SLC8A1: variants seen among roughly 807,000 people sequenced by gnomAD.
SLC8A1 encodes sodium/calcium exchanger 1.
A neutral mutation model predicts 68.3 loss-of-function variants in SLC8A1; 18 were observed. The observed-to-expected ratio is 0.26, with a 90% CI of 0.18 to 0.39. SLC8A1 has a LOEUF of 0.39. Among genes scored for constraint, SLC8A1 ranks in the 10% least tolerant of loss-of-function variants. SLC8A1 has a pLI of 1.00. For missense variants in SLC8A1, 985 were observed against 1,156.7 expected (o/e 0.85, Z 2.15); for synonymous variants, 475 against 415.5 (o/e 1.14, Z -1.74).
At chr2:40,153,138 A>AAGTAAAATTAGTAGT (rs2043777678) in intron 6 of SLC8A1, among the ~76,000 whole-genome samples, 1 of 152,204 alleles carries the variant, frequency 6.6e-6, no homozygotes, top group Admixed American at 6.5e-5. Flanking sequence ...GATACCTGTG[A>AAGTAAAATTAGTAGT]AGTAAAATTA....
chr2:40,149,502 G>A (rs941653917), intron 6 of SLC8A1, among the ~76,000 whole-genome samples: 4 of 152,248 alleles, frequency 2.6e-5, no homozygotes, highest in East Asian at 1.9e-4. Flanking sequence ...AGAAATAATC[G>A]GATATGGAGG....
At position 40,262,082 on chromosome 2, in the gene SLC8A1, C is replaced by A. The variant is rs888155002; in HGVS notation, c.1809-84227G>T. Among the ~76,000 whole-genome samples the A allele has an allele frequency of 3.3e-5, 5 of 151,892 alleles. No homozygotes were observed. In the East Asian group the frequency reaches 9.7e-4, roughly 29 times the overall value. ...GGTTCAAGCAATTCTCCTGTCTCAG[C>A]CTCCTTAGTAGCTGGGACTACAGGC... On this transcript the variant is annotated intron_variant, in intron 2 of 7. Transcript: ENST00000406785.
Position 40,499,176 on chromosome 2 carries a change from C to G in SLC8A1, c.-25+13173G>C, listed in dbSNP as rs577976736. Reference sequence around the variant, plus strand: ...AAGGACTGGAACTAGTGGTATCGGACAAAAAGAAGATACTTTTTTCAGTTC... The same window carrying G: ...AAGGACTGGAACTAGTGGTATCGGAGAAAAAGAAGATACTTTTTTCAGTTC... On this transcript the variant is annotated intron_variant, in intron 1 of 7. Transcript: ENST00000402441. Among the ~76,000 whole-genome samples the G allele has an allele frequency of 2.0e-5, 3 of 150,524 alleles. No homozygotes were observed. The East Asian group carries it at 6.8e-4, about 34-fold the overall frequency.
At chr2:40,496,095 C>G (rs1320628215) in intron 1 of SLC8A1, among the ~76,000 whole-genome samples, 1 of 152,098 alleles carries the variant, frequency 6.6e-6, no homozygotes, top group Non-Finnish European at 1.5e-5. Context: ...TGCCTGCTCA[C>G]TGTCAGGAAA....
intron 2 of SLC8A1, among the ~76,000 whole-genome samples, chr2:40,294,430 G>GAACC (rs2069937560): frequency 1.3e-5 from 2 of 152,074 alleles, no homozygotes; most frequent in African/African-American, 4.8e-5. Context: ...GTATTTAGTG[G>GAACC]CTAAGCTAGG....
chr2:40,107,253 C>G (rs1362589678), exon 8 of SLC8A1: 2 of 113,082 alleles, frequency 1.8e-5, no homozygotes, highest in Non-Finnish European at 1.7e-5. Context: ...GCACTCCAGC[C>G]TGGGCGACAG....
intron 6 of SLC8A1, among the ~76,000 whole-genome samples, chr2:40,154,479 CT>C (rs144812656): frequency 1.7e-4 from 5 of 30,044 alleles, no homozygotes; most frequent in South Asian, 2.4e-3. Context: ...AATTTTTTTT[CT>C]TTTCTTTTTT....
chr2:40,313,427 G>T (rs527372937), intron 2 of SLC8A1, among the ~76,000 whole-genome samples: 2 of 152,060 alleles, frequency 1.3e-5, no homozygotes, highest in South Asian at 4.1e-4. Flanking sequence ...TAGATACCAA[G>T]GTGTAGAATG....
At chr2:40,428,127 T>C (rs1281634336) in intron 2 of SLC8A1, among the ~76,000 whole-genome samples, 2 of 152,152 alleles carry the variant, frequency 1.3e-5, no homozygotes, top group Non-Finnish European at 2.9e-5. Flanking sequence ...GTATATACCA[T>C]GTGATTCAAA....
intron 2 of SLC8A1, among the ~76,000 whole-genome samples, chr2:40,380,210 T>G (rs1205891374): frequency 1.3e-5 from 2 of 152,122 alleles, no homozygotes; most frequent in Non-Finnish European, 2.9e-5. Context: ...AGCTGATGCT[T>G]GAAGAGGTCA....
chr2:40,129,766 G>A (rs1166310435), intron 7 of SLC8A1, among the ~76,000 whole-genome samples: 1 of 152,154 alleles, frequency 6.6e-6, no homozygotes, highest in Non-Finnish European at 1.5e-5. Flanking sequence ...CACCTGTACA[G>A]CATGATGTTT....
At chr2:40,365,613 T>C (rs145611938) in intron 2 of SLC8A1, among the ~76,000 whole-genome samples, 98 of 152,224 alleles carry the variant, frequency 6.4e-4, no homozygotes, top group African/African-American at 2.2e-3. Flanking sequence ...GCAGAAGTCA[T>C]GGGTCAGGTT....
chr2:40,430,612 A>G (rs762739190), intron 1 of SLC8A1, among the ~76,000 whole-genome samples: 1 of 152,188 alleles, frequency 6.6e-6, no homozygotes, highest in Non-Finnish European at 1.5e-5. Flanking sequence ...GAAAAGTTCA[A>G]TTTATATAGC....
chr2:40,293,929 G>A (rs147181232), intron 2 of SLC8A1, among the ~76,000 whole-genome samples: 17 of 152,130 alleles, frequency 1.1e-4, no homozygotes, highest in African/African-American at 2.4e-4. Flanking sequence ...TTGATTGGGC[G>A]CAAAGATCAA....
chr2:40,218,578 T>C (rs1030903154), intron 2 of SLC8A1, among the ~76,000 whole-genome samples: 3 of 152,122 alleles, frequency 2.0e-5, no homozygotes, highest in Non-Finnish European at 2.9e-5. Context: ...ACCAACCTAA[T>C]ATTATCGTAT....
exon 8 of SLC8A1, chr2:40,106,885 A>G (rs2034232717): frequency 6.6e-6 from 1 of 152,186 alleles, no homozygotes; most frequent in Non-Finnish European, 1.5e-5. Context: ...ATAACTTGGT[A>G]TTGACATTAC....
Position 40,323,955 on chromosome 2 carries a change from G to A in SLC8A1, c.1808+104518C>T, listed in dbSNP as rs1385108885. On this transcript the variant is annotated intron_variant, in intron 2 of 7. Coordinates refer to ENST00000406785, the Ensembl canonical transcript of SLC8A1. ...TCTGTACAAAATTTTGCTTATTTCCGTGCATACTTAACTTATAAATAGAGT... is the reference window on the plus strand; with the variant it reads ...TCTGTACAAAATTTTGCTTATTTCCATGCATACTTAACTTATAAATAGAGT... 7.3e-5 allele frequency among the ~76,000 whole-genome samples: 11 copies of A among 150,882 alleles called. No individual in the cohort carries two copies. In the East Asian group the frequency reaches 9.8e-4, roughly 13 times the overall value.
intron 1 of SLC8A1, among the ~76,000 whole-genome samples, chr2:40,487,755 C>A (rs575555401): frequency 1.9e-4 from 29 of 152,256 alleles, no homozygotes; most frequent in East Asian, 1.4e-3. Context: ...CATTGCGGAA[C>A]CTGCTCACTC....
At chr2:40,353,692 C>T (rs935289205) in intron 2 of SLC8A1, among the ~76,000 whole-genome samples, 1 of 152,172 alleles carries the variant, frequency 6.6e-6, no homozygotes, top group Non-Finnish European at 1.5e-5. Flanking sequence ...CTTTATGCTG[C>T]CTACCTGCCT....
Sources: gnomAD v4.1 joint callset for allele counts (sites outside exome capture counted in the v4.1 genomes callset) on GRCh38, gnomAD v4.1.1 for gene constraint, MANE v1.5 for transcripts, NCBI Gene and HGNC (gene_info 2026-07-23, HGNC 2026-07-21) for gene names.